Variants in FRAS1 observed in about 807,000 individuals in gnomAD.
FRAS1 encodes extracellular matrix organizing protein FRAS1.
Under a neutral mutation model 435.2 loss-of-function variants are expected in FRAS1, and 290 were observed. The ratio of observed to expected loss-of-function variants is 0.67; its 90% CI spans 0.61 to 0.73. The LOEUF (loss-of-function observed/expected upper bound fraction) is 0.73, where lower values mean the gene tolerates loss of function less well. Among genes scored for constraint, FRAS1 ranks in the 30% least tolerant of loss-of-function variants. The pLI is 0.00. For missense variants in FRAS1, 4,860 were observed against 5,001.5 expected, an observed-to-expected ratio of 0.97 and a Z score of 0.85; for synonymous variants, 1,800 against 1,851.0, an observed-to-expected ratio of 0.97 and a Z score of 0.71.
rs532187160 is a variant in FRAS1 at position 78,478,028 on chromosome 4, G to T, written c.8065G>T (p.Ala2689Ser). The change falls in exon 55 of 74, where the codon GCT becomes TCT. Residue 2689 changes from alanine to serine, a missense_variant. Coordinates refer to ENST00000512123, the MANE Select transcript of FRAS1 (RefSeq NM_025074.7). ...DKKIYWVNES[A>S]GFLFAPIERK... is the part of the protein sequence containing the mutation. ...GAAGATCTACTGGGTTAACGAGAGC[G>T]CTGGTTTTCTGTTTGCACCTATTGA... 5.7e-6 allele frequency: 9 copies of T among 1,587,752 alleles called. No individual in the cohort carries two copies. The highest frequency in any genetic ancestry group is 1.3e-5 in the African/African-American group (1 of 74,620).
At chr4:78,195,040 C>T (rs905523269) in intron 2 of FRAS1, among the ~76,000 whole-genome samples, 2 of 152,196 alleles carry the variant, frequency 1.3e-5, no homozygotes, top group African/African-American at 4.8e-5. Flanking sequence ...AGGTCCACTC[C>T]AGACCCTGTT....
intron 14 of FRAS1, among the ~76,000 whole-genome samples, chr4:78,298,026 C>CTA (rs1228358368): frequency 1.4e-3 from 156 of 113,352 alleles, no homozygotes; most frequent in East Asian, 0.01. Flanking sequence ...CTCTCTCTCT[C>CTA]TCTCTATATA....
chr4:78,301,805 G>C (rs576308936), intron 14 of FRAS1, among the ~76,000 whole-genome samples: 1 of 144,816 alleles, frequency 6.9e-6, no homozygotes, highest in East Asian at 2.1e-4. Context: ...GAATCTCTTA[G>C]TGATTCTTTA....
chr4:78,256,188 CAA>C (rs1725787227), intron 6 of FRAS1, among the ~76,000 whole-genome samples: 1 of 152,184 alleles, frequency 6.6e-6, no homozygotes, highest in South Asian at 2.1e-4. Context: ...TTAAAGGTGA[CAA>C]AAGGCAATTA....
intron 2 of FRAS1, among the ~76,000 whole-genome samples, chr4:78,094,587 C>T (rs1741699712): frequency 6.6e-6 from 1 of 151,876 alleles, no homozygotes; most frequent in Non-Finnish European, 1.5e-5. Context: ...TGTAGAAACT[C>T]CTCTTTTTTG....
chr4:78,261,884 A>C (rs921680319), intron 6 of FRAS1, among the ~76,000 whole-genome samples: 6 of 152,170 alleles, frequency 3.9e-5, no homozygotes, highest in Non-Finnish European at 1.5e-5. Flanking sequence ...TGCCTCAGCT[A>C]TGAACTTAGG....
intron 41 of FRAS1, chr4:78,444,151 A>G (rs1718695256): frequency 2.2e-6 from 1 of 455,646 alleles, no homozygotes; most frequent in African/African-American, 2.0e-5. Context: ...CACCATGCCC[A>G]GTCACTACTT....
chr4:78,179,887 G>A (rs561139908), intron 2 of FRAS1, among the ~76,000 whole-genome samples: 1 of 152,312 alleles, frequency 6.6e-6, no homozygotes, highest in Non-Finnish European at 1.5e-5. Flanking sequence ...GGGAGCCATG[G>A]AGAGAAGTGG....
At chr4:78,443,047 CTT>C (rs1734719841) in intron 41 of FRAS1, among the ~76,000 whole-genome samples, 1 of 152,152 alleles carries the variant, frequency 6.6e-6, no homozygotes, top group Non-Finnish European at 1.5e-5. Flanking sequence ...CTGAGTGTGA[CTT>C]ATGTATAAGA....
chr4:78,091,883 G>T (rs913102498), intron 2 of FRAS1, among the ~76,000 whole-genome samples: 10 of 148,146 alleles, frequency 6.8e-5, no homozygotes, highest in African/African-American at 2.5e-4. Flanking sequence ...ATAGTAGTAT[G>T]TGCCTGTAAT....
intron 48 of FRAS1, 104 bp from the exon 49 acceptor site, chr4:78,464,339 T>G: frequency 6.7e-7 from 1 of 1,503,734 alleles, no homozygotes; most frequent in Non-Finnish European, 9.1e-7. Flanking sequence ...ATTATTGACT[T>G]GTGCAAGCAA....
chr4:78,295,426 T>G lies in FRAS1; in HGVS notation c.1534+8887T>G, dbSNP rs552364792. 2.2e-4 allele frequency among the ~76,000 whole-genome samples: 34 copies of G among 152,386 alleles called. No individual in the cohort carries two copies. In the South Asian group the frequency reaches 7.0e-3, roughly 32 times the overall value. ...CAACACTAGGTATTACAAGCCTTCTTAAATTGTCAATTTGATTGATGTAAA... is the reference window on the plus strand; with the variant it reads ...CAACACTAGGTATTACAAGCCTTCTGAAATTGTCAATTTGATTGATGTAAA... On this transcript the variant is annotated intron_variant, in intron 14 of 73. Transcript: ENST00000512123.
At chr4:78,131,600 G>T (rs1297169856) in intron 2 of FRAS1, among the ~76,000 whole-genome samples, 3 of 152,198 alleles carry the variant, frequency 2.0e-5, no homozygotes, top group Non-Finnish European at 4.4e-5. Flanking sequence ...GCTCCACATT[G>T]TTGAAACCTC....
In FRAS1 at chr4:78,152,182, G is replaced by A. The variant is rs536670633; in HGVS notation, c.109-85328G>A. ...AAATGTCAGTGTTGCCATTAAGAAA[G>A]GTTGACATCTGTGAATAAATTTGAA... On this transcript the variant is annotated intron_variant, in intron 2 of 73. Coordinates refer to ENST00000512123, the MANE Select transcript of FRAS1 (RefSeq NM_025074.7). Among the ~76,000 whole-genome samples, 14 of 152,184 alleles carry A rather than the reference G, an allele frequency of 9.2e-5. No individual in the cohort carries two copies. In the East Asian group the frequency reaches 2.5e-3, roughly 27 times the overall value.
chr4:78,472,098 A>G lies in FRAS1; in HGVS notation c.7372-82A>G. 8 of 1,381,642 alleles carry G rather than the reference A, an allele frequency of 5.8e-6. No homozygotes were observed. The South Asian group carries it at 9.5e-5, about 16-fold the overall frequency. The allele number at this position is 1,381,642 out of a possible 1,614,324, so 85.6% of individuals were successfully genotyped here. A position where few individuals can be genotyped will look rare whatever the true frequency, so the allele number is the denominator to read the frequency against. On this transcript the variant is annotated intron_variant, in intron 51 of 73. Transcript: ENST00000512123. Reference sequence around the variant, plus strand: ...AATACACTCAGTAAATCATTGTTGAACTGAATTAAATCTGAGTCAGAGGGT... The same window carrying G: ...AATACACTCAGTAAATCATTGTTGAGCTGAATTAAATCTGAGTCAGAGGGT...
intron 2 of FRAS1, among the ~76,000 whole-genome samples, chr4:78,215,343 A>G (rs527564758): frequency 5.3e-5 from 8 of 152,100 alleles, no homozygotes; most frequent in Admixed American, 4.6e-4. Flanking sequence ...CTACAGGTGC[A>G]TGCCACCACG....
intron 68 of FRAS1, 105 bp downstream of exon 68, chr4:78,521,735 A>T (rs985325976): frequency 3.7e-5 from 25 of 683,742 alleles, no homozygotes; most frequent in Middle Eastern, 3.9e-4. Flanking sequence ...ACAATGATTA[A>T]CATTTTGCTA....
At chr4:78,181,091 A>G (rs1721980028) in intron 2 of FRAS1, 3 of 1,559,578 alleles carry the variant, frequency 1.9e-6, no homozygotes, top group Middle Eastern at 1.7e-4. Flanking sequence ...AATCCTCAGC[A>G]TAAGCCTCTT....
At position 78,269,477 on chromosome 4, in the gene FRAS1, G is replaced by A. The variant is rs571646307; in HGVS notation, c.981+2045G>A. Among the ~76,000 whole-genome samples, 4 of 152,280 alleles carry A rather than the reference G, an allele frequency of 2.6e-5. No homozygotes were observed. In the South Asian group the frequency reaches 8.3e-4, roughly 32 times the overall value. The stretch of plus-strand genomic sequence containing the variant: ...TACCAAGGATGGATTAAGTGTAAGT[G>A]CAATGCACATCAGAAAGCCACAGAG... On this transcript the variant is annotated intron_variant, in intron 9 of 73. Coordinates refer to ENST00000512123, the MANE Select transcript of FRAS1 (RefSeq NM_025074.7).
Sources: gnomAD v4.1 joint callset for allele counts (sites outside exome capture counted in the v4.1 genomes callset) on GRCh38, gnomAD v4.1.1 for gene constraint, MANE v1.5 for transcripts, NCBI Gene and HGNC (gene_info 2026-07-23, HGNC 2026-07-21) for gene names.